Variants in HSPG2 observed in about 807,000 individuals in gnomAD.
HSPG2 encodes the protein basement membrane-specific heparan sulfate proteoglycan core protein.
Under a neutral mutation model 526.6 loss-of-function variants are expected in HSPG2, and 278 were observed. That is an observed-to-expected ratio of 0.53 (90% CI 0.48 to 0.58). The LOEUF is 0.58. HSPG2 is among the 20% of genes least tolerant of loss of function. HSPG2 has a pLI of 0.00. For synonymous variants in HSPG2, 2,465 were observed against 2,555.4 expected (o/e 0.96, Z 1.07); for missense variants, 5,354 against 6,099.5 (o/e 0.88, Z 4.07).
In HSPG2 at chr1:21,874,910, T is replaced by C. The variant is rs1640929712; in HGVS notation, c.3395A>G (p.Tyr1132Cys). Residue 1132 changes from tyrosine (Y) to cysteine (C), a missense_variant, in exon 26 of 97, where the codon TAC becomes TGC. Physicochemically the swap from Tyr to Cys is radical, Grantham distance 194. Coordinates refer to ENST00000374695, the MANE Select transcript of HSPG2 (RefSeq NM_005529.7). ...ACTCACCTGGCAGGACGGCCCACGG[T>C]ACCCGGGTGGGCAGGAGCACTGTTC... ...EVEQCSCPPG[Y>C]RGPSCQDCDT... is the part of the protein sequence containing the mutation. 6.2e-7 allele frequency: 1 copy of C among 1,612,306 alleles called. No individual in the cohort carries two copies. Among genetic ancestry groups the C allele is most frequent in the Non-Finnish European group, 8.5e-7 (1 of 1,179,240 alleles).
intron 27 of HSPG2, 36 bp downstream of exon 27, chr1:21,874,580 G>A: frequency 1.2e-6 from 2 of 1,613,912 alleles, no homozygotes. Context: ...AGAGGCCACA[G>A]ATTGCTGGGG....
Position 21,824,170 on chromosome 1 carries a change from A to G in HSPG2, c.12850T>C (p.Ser4284Pro). ...QLGSGEARLV[S>P]EDPINDGEWH... ...TCGCCGTCATTGATGGGGTCCTCAG[A>G]GACCAGGCGGGCCTCCCCACTACCC... is the stretch of plus-strand genomic sequence containing the variant. The change falls in exon 95 of 97, where the codon TCT becomes CCT. Residue 4284 changes from serine to proline, a missense_variant. Coordinates refer to ENST00000374695, the MANE Select transcript of HSPG2 (RefSeq NM_005529.7). This position sits in a 1 kb window ranked among gnomAD's most constrained non-coding sequence, Gnocchi z 5.9. 6.2e-7 allele frequency: 1 copy of G among 1,613,694 alleles called. No homozygotes were observed. The highest frequency in any genetic ancestry group is 8.5e-7 in the Non-Finnish European group (1 of 1,180,012).
At position 21,872,550 on chromosome 1, in the gene HSPG2, A is replaced by C; in HGVS notation, c.4029+70T>G. The C allele has an allele frequency of 6.5e-7, 1 of 1,536,606 alleles. No individual in the cohort carries two copies. Among genetic ancestry groups the C allele is most frequent in the Non-Finnish European group, 8.8e-7 (1 of 1,134,508 alleles). On this transcript the variant is annotated intron_variant, in intron 32 of 96. Coordinates refer to ENST00000374695, the MANE Select transcript of HSPG2 (RefSeq NM_005529.7). This position sits in a 1 kb window ranked among gnomAD's most constrained non-coding sequence, Gnocchi z 5.5. The stretch of plus-strand genomic sequence containing the variant: ...GGCGGGGATGAGGGTCGCTGGGCTC[A>C]GTGCTCAGATGGACAGTAACAGGCA...
In HSPG2 at chr1:21,916,641, G is replaced by A. The variant is rs149587400; in HGVS notation, c.64-20331C>T. Among the ~76,000 whole-genome samples the A allele has an allele frequency of 3.5e-3, 526 of 149,950 alleles. 1 individual carries two copies. Among genetic ancestry groups the A allele is most frequent in the Non-Finnish European group, 6.2e-3 (418 of 67,762 alleles). On this transcript the variant is annotated intron_variant, in intron 1 of 96. Coordinates refer to ENST00000374695, the MANE Select transcript of HSPG2 (RefSeq NM_005529.7). ...CAGGAGGCAGAGGTTGCAGTGAGCC[G>A]AGATTGCGCCATTGCACTCCAGCCC...
chr1:21,907,904 C>A (rs1012289486), intron 1 of HSPG2, among the ~76,000 whole-genome samples: 3 of 152,228 alleles, frequency 2.0e-5, no homozygotes, highest in African/African-American at 7.2e-5. Context: ...CAAGTCATTT[C>A]TCCTCTCTGT....
At chr1:21,926,221 T>C (rs1024288688) in intron 1 of HSPG2, among the ~76,000 whole-genome samples, 1 of 152,176 alleles carries the variant, frequency 6.6e-6, no homozygotes, top group African/African-American at 2.4e-5. Flanking sequence ...CGATAATGCC[T>C]GGCAAGAGCC....
At chr1:21,823,932 C>T (rs1295747750) in intron 95 of HSPG2, 189 bp downstream of exon 95, 6 of 744,524 alleles carry the variant, frequency 8.1e-6, no homozygotes, top group Admixed American at 4.3e-5. Context: ...TCCTGGGGCA[C>T]TCGCCTGCCC....
At chr1:21,889,413 A>G (rs746064257) in intron 6 of HSPG2, among the ~76,000 whole-genome samples, 6 of 152,216 alleles carry the variant, frequency 3.9e-5, no homozygotes, top group Non-Finnish European at 7.3e-5. Context: ...CCAGTTTCCT[A>G]GTCTCTCTGT....
intron 37 of HSPG2, 121 bp downstream of exon 37, chr1:21,863,979 G>T: frequency 2.5e-6 from 2 of 814,358 alleles, no homozygotes; most frequent in South Asian, 1.5e-5. Flanking sequence ...CAGGTGCTTT[G>T]AACCACAGGC....
At chr1:21,924,127 T>G (rs1000664022) in intron 1 of HSPG2, among the ~76,000 whole-genome samples, 2 of 152,208 alleles carry the variant, frequency 1.3e-5, no homozygotes, top group African/African-American at 4.8e-5. Context: ...CTCCTTCATC[T>G]GCTTCCCTAG....
Position 21,884,851 on chromosome 1 carries a change from C to G in HSPG2, c.1423G>C (p.Gly475Arg). 1 of 1,613,950 alleles carries G rather than the reference C, an allele frequency of 6.2e-7. No individual in the cohort carries two copies. Among genetic ancestry groups the G allele is most frequent in the Non-Finnish European group, 8.5e-7 (1 of 1,180,032 alleles). ...TTCATGGCCTCACAGGTGTAGGCACCCTGGTCTGACTCCTTCACATCACGG... is the reference window on the plus strand; with the variant it reads ...TTCATGGCCTCACAGGTGTAGGCACGCTGGTCTGACTCCTTCACATCACGG... Reference protein sequence around the residue: ...IIRDVKESDQGAYTCEAMNAR... With the variant: ...IIRDVKESDQRAYTCEAMNAR... The change falls in exon 12 of 97, where the codon GGT becomes CGT. Residue 475 changes from glycine to arginine, a missense_variant. Coordinates refer to ENST00000374695, the MANE Select transcript of HSPG2 (RefSeq NM_005529.7).
chr1:21,880,266 G>A lies in HSPG2; in HGVS notation c.2196-12C>T, dbSNP rs1382243707. On this transcript the variant is annotated splice_polypyrimidine_tract_variant and intron_variant, in intron 16 of 96. Coordinates refer to ENST00000374695, the MANE Select transcript of HSPG2 (RefSeq NM_005529.7). ...AGCCAATGGGGCATCTGTGGGGACA[G>A]GACCAAAAGAGTCGCTGCAAGGACG... The A allele has an allele frequency of 1.2e-6, 2 of 1,614,150 alleles. No homozygotes were observed. Among genetic ancestry groups the A allele is most frequent in the Non-Finnish European group, 1.7e-6 (2 of 1,180,028 alleles).
intron 67 of HSPG2, 135 bp downstream of exon 67, chr1:21,842,635 G>T: frequency 8.4e-7 from 1 of 1,190,320 alleles, no homozygotes; most frequent in Non-Finnish European, 1.2e-6. Flanking sequence ...GCAGGCTGGT[G>T]AACTCGTCCC....
chr1:21,843,671 G>A (rs1320845574), intron 65 of HSPG2, among the ~76,000 whole-genome samples: 1 of 151,934 alleles, frequency 6.6e-6, no homozygotes, highest in Non-Finnish European at 1.5e-5. Context: ...TTTTGAGACA[G>A]TGTCTCGCTC....
rs757272230 is a variant in HSPG2 at position 21,880,428 on chromosome 1, G to A, written c.2130C>T (p.Ile710=). 9.3e-6 allele frequency: 15 copies of A among 1,614,032 alleles called. No homozygotes were observed. The highest frequency in any genetic ancestry group is 7.7e-5 in the South Asian group (7 of 91,086). ...TKMASVGLSD[I]AMDTTVTHAT... is the part of the protein sequence containing the mutation. ...CATGGGTGACGGTGGTATCCATGGC[G>A]ATGTCGCTAAGTCCCACGCTGGCCA... Residue 710 remains isoleucine (I), a synonymous_variant, in exon 16 of 97, where the codon ATC becomes ATT. Transcript: ENST00000374695.
At chr1:21,868,052 T>C (rs1640376691) in intron 33 of HSPG2, among the ~76,000 whole-genome samples, 1 of 151,426 alleles carries the variant, frequency 6.6e-6, no homozygotes, top group South Asian at 2.1e-4. Context: ...TTTTTTTTTT[T>C]CTTTGAGATG....
intron 67 of HSPG2, 40 bp downstream of exon 67, chr1:21,842,730 C>T (rs1410137957): frequency 6.2e-7 from 1 of 1,611,624 alleles, no homozygotes; most frequent in Admixed American, 1.7e-5. Flanking sequence ...CAGGTCTAAC[C>T]TTGCCTGACC....
rs941229061 is a variant in HSPG2 at position 21,864,658 on chromosome 1, A to AT, written c.4626+184dup. On this transcript the variant is annotated intron_variant, in intron 36 of 96. Coordinates refer to ENST00000374695, the MANE Select transcript of HSPG2 (RefSeq NM_005529.7). The surrounding 1 kb of genome is among the most constrained non-coding windows in gnomAD (Gnocchi z 4.8). Reference sequence around the variant, plus strand: ...GACACACTCACCCCTCAGCACCTCTATTTTTTTACCTGTTAAAGGGGATAA... The same window carrying AT: ...GACACACTCACCCCTCAGCACCTCTATTTTTTTTACCTGTTAAAGGGGATAA... Among the ~76,000 whole-genome samples, 7 of 152,012 alleles carry AT rather than the reference A, an allele frequency of 4.6e-5. No homozygotes were observed. Among genetic ancestry groups the AT allele is most frequent in the East Asian group, 3.9e-4 (2 of 5,172 alleles).
In HSPG2 at chr1:21,906,591, A is replaced by C. The variant is rs369761318; in HGVS notation, c.64-10281T>G. ...GAAGCGCCCCATGTCTGCTTTCTTC[A>C]TGTCCTTTCCTGGACACAGAAACTC... On this transcript the variant is annotated intron_variant, in intron 1 of 96. Coordinates refer to ENST00000374695, the MANE Select transcript of HSPG2 (RefSeq NM_005529.7). 4.2e-4 allele frequency among the ~76,000 whole-genome samples: 64 copies of C among 152,206 alleles called. 1 individual carries two copies. In the South Asian group the frequency reaches 0.013, roughly 30 times the overall value.
Sources: allele counts gnomAD v4.1 joint callset (sites outside exome capture counted in the v4.1 genomes callset), GRCh38; gene constraint gnomAD v4.1.1; non-coding constraint Gnocchi (gnomAD v3.1); transcripts MANE v1.5; gene names NCBI Gene and HGNC (gene_info 2026-07-23, HGNC 2026-07-21).